The following INSC variants were observed in gnomAD, a reference collection of about 807,000 sequenced individuals.
INSC encodes the protein INSC spindle orientation adaptor protein.
INSC carries 67 observed loss-of-function variants against 58.6 expected under a neutral mutation model. The ratio of observed to expected loss-of-function variants is 1.14; its 90% CI spans 0.94 to 1.40. The LOEUF (loss-of-function observed/expected upper bound fraction) is 1.40. Among genes scored for constraint, INSC ranks in the 40% most tolerant of loss-of-function variants. INSC has a pLI of 0.00. For missense variants in INSC, 714 were observed against 692.0 expected (o/e 1.03, Z -0.36); for synonymous variants, 262 against 276.1 (o/e 0.95, Z 0.51).
intron 7 of INSC, among the ~76,000 whole-genome samples, chr11:15,207,218 G>A (rs1050632614): frequency 6.6e-6 from 1 of 152,172 alleles, no homozygotes; most frequent in Admixed American, 6.5e-5. Context: ...ACAACCTTCA[G>A]GACAGTTCTG....
In INSC at chr11:15,178,368, C is replaced by T. The variant is rs1278408326; in HGVS notation, c.500C>T (p.Ala167Val). The stretch of plus-strand genomic sequence containing the variant: ...GAGCATGTCCTGAAGTCAATGAAGG[C>T]CTGCGTGAGTGAGACCCTGAGCATG... ...ENEHVLKSMK[A>V]CVSETLSMLG... The change falls in exon 5 of 13, where the codon GCC becomes GTC. Residue 167 changes from alanine to valine, a missense_variant. Ala to Val is a moderately conservative substitution (Grantham distance 64, BLOSUM62 0). Coordinates refer to ENST00000379556, the MANE Select transcript of INSC (RefSeq NM_001042536.3). The T allele has an allele frequency of 1.9e-6, 3 of 1,613,724 alleles. No homozygotes were observed. Among genetic ancestry groups the T allele is most frequent in the Non-Finnish European group, 2.5e-6 (3 of 1,180,020 alleles).
At chr11:15,194,267 T>C (rs961700424) in intron 6 of INSC, among the ~76,000 whole-genome samples, 4 of 152,168 alleles carry the variant, frequency 2.6e-5, no homozygotes, top group Admixed American at 1.3e-4. Context: ...AGGGATCTAA[T>C]TGGTAGCAAA....
intron 1 of INSC, among the ~76,000 whole-genome samples, chr11:15,117,139 T>C (rs1222451958): frequency 6.6e-6 from 1 of 151,294 alleles, no homozygotes; most frequent in East Asian, 1.9e-4. Context: ...ATGGGGTTTT[T>C]CCATGTTGGT....
At chr11:15,238,866 G>A in intron 10 of INSC, 53 bp from the exon 11 acceptor site, 1 of 1,575,012 alleles carries the variant, frequency 6.3e-7, no homozygotes, top group Non-Finnish European at 8.7e-7. Context: ...CTGGCCCCAT[G>A]GGGAAGGCTC....
intron 7 of INSC, among the ~76,000 whole-genome samples, chr11:15,213,285 C>G (rs1174589587): frequency 6.6e-6 from 1 of 152,024 alleles, no homozygotes. Flanking sequence ...AAAATAAAAC[C>G]CTAATGATAC....
chr11:15,226,482 T>C (rs530431744), intron 9 of INSC, among the ~76,000 whole-genome samples: 3 of 152,198 alleles, frequency 2.0e-5, no homozygotes, highest in Non-Finnish European at 4.4e-5. Flanking sequence ...TCTGATGTTC[T>C]AGAATTTTAT....
At chr11:15,138,470 T>A (rs1848297118) in intron 1 of INSC, among the ~76,000 whole-genome samples, 1 of 152,244 alleles carries the variant, frequency 6.6e-6, no homozygotes, top group Non-Finnish European at 1.5e-5. Context: ...GGTTTCAACC[T>A]ATGAGCTTTG....
chr11:15,164,885 T>C (rs536075995), intron 2 of INSC, among the ~76,000 whole-genome samples: 37 of 152,270 alleles, frequency 2.4e-4, no homozygotes, highest in African/African-American at 8.2e-4. Context: ...GATCTGATGA[T>C]TTTATAATGC....
chr11:15,264,652 C>T, the INSC span, among the ~76,000 whole-genome samples: 9 of 149,870 alleles, frequency 6.0e-5, no homozygotes, highest in South Asian at 1.3e-3. Flanking sequence ...GCTACTGCTG[C>T]GTATGTCTGA....
intron 6 of INSC, among the ~76,000 whole-genome samples, chr11:15,196,909 C>T (rs552683745): frequency 6.6e-6 from 1 of 152,252 alleles, no homozygotes; most frequent in African/African-American, 2.4e-5. Flanking sequence ...GCAAAGGCTA[C>T]GTGCCTGGTT....
At chr11:15,179,095 T>C (rs1943754147) in intron 5 of INSC, among the ~76,000 whole-genome samples, 1 of 152,212 alleles carries the variant, frequency 6.6e-6, no homozygotes, top group African/African-American at 2.4e-5. Context: ...CTACTTTCTA[T>C]CTGTGGTTCA....
downstream of INSC, among the ~76,000 whole-genome samples, chr11:15,248,724 T>C (rs1254362410): frequency 6.6e-6 from 1 of 152,192 alleles, no homozygotes; most frequent in East Asian, 1.9e-4. Flanking sequence ...TAATATATAA[T>C]GTTGAAAATT....
At chr11:15,255,749 TG>T in the INSC span, among the ~76,000 whole-genome samples, 1 of 151,774 alleles carries the variant, frequency 6.6e-6, no homozygotes, top group African/African-American at 2.4e-5. Flanking sequence ...TGTGTGTGTG[TG>T]TGTGTGTGTG....
At position 15,175,738 on chromosome 11, in the gene INSC, C is replaced by A; in HGVS notation, c.57-3C>A. 1 of 1,531,908 alleles carries A rather than the reference C, an allele frequency of 6.5e-7. No individual in the cohort carries two copies. The highest frequency in any genetic ancestry group is 1.3e-5 in the South Asian group (1 of 76,860). The allele number at this position is 1,531,908 out of a possible 1,614,324, so 94.9% of individuals were successfully genotyped here. A position where few individuals can be genotyped will look rare whatever the true frequency, so the allele number is the denominator to read the frequency against. On this transcript the variant is annotated splice_polypyrimidine_tract_variant and splice_region_variant and intron_variant, in intron 2 of 12. Transcript: ENST00000379556. Reference sequence around the variant, plus strand: ...TTATCGTGGTGCTGTTTCCTGGTTGCAGGCTACACCTGATGCAGGTGGACT... The same window carrying A: ...TTATCGTGGTGCTGTTTCCTGGTTGAAGGCTACACCTGATGCAGGTGGACT...
intron 1 of INSC, among the ~76,000 whole-genome samples, chr11:15,132,337 G>T (rs1468953612): frequency 6.6e-6 from 1 of 152,062 alleles, no homozygotes; most frequent in Non-Finnish European, 1.5e-5. Flanking sequence ...CCAAGCTGGG[G>T]TACAGTGGGG....
intron 1 of INSC, among the ~76,000 whole-genome samples, chr11:15,137,694 G>C (rs868774808): frequency 6.6e-6 from 1 of 152,196 alleles, no homozygotes; most frequent in East Asian, 1.9e-4. Flanking sequence ...GGGACTTGCT[G>C]TAGATTAGGC....
At chr11:15,173,134 T>C (rs932995983) in intron 2 of INSC, among the ~76,000 whole-genome samples, 25 of 152,292 alleles carry the variant, frequency 1.6e-4, no homozygotes, top group African/African-American at 6.0e-4. Flanking sequence ...AATGGGAAAA[T>C]GGCTTAATAA....
chr11:15,190,648 C>G, intron 5 of INSC, 53 bp from the exon 6 acceptor site: 1 of 1,225,686 alleles, frequency 8.2e-7, no homozygotes, highest in Non-Finnish European at 1.2e-6. Context: ...CTAAGATGAG[C>G]AGAGGGTAGA....
chr11:15,247,629 T>C (rs932305303), downstream of INSC, among the ~76,000 whole-genome samples: 2 of 151,694 alleles, frequency 1.3e-5, no homozygotes, highest in Non-Finnish European at 2.9e-5. Flanking sequence ...AAACTCATTT[T>C]ACAGATACAA....
Sources: allele counts gnomAD v4.1 joint callset (sites outside exome capture counted in the v4.1 genomes callset), GRCh38; gene constraint gnomAD v4.1.1; transcripts MANE v1.5; gene names NCBI Gene and HGNC (gene_info 2026-07-23, HGNC 2026-07-21).